Variants in DYNC1I1 observed in about 807,000 individuals in gnomAD.
The protein encoded by DYNC1I1 is cytoplasmic dynein 1 intermediate chain 1.
Under a neutral mutation model 86.6 loss-of-function variants are expected in DYNC1I1, and 43 were observed. That is an observed-to-expected ratio of 0.50 (90% CI 0.39 to 0.64). DYNC1I1 has a LOEUF of 0.64. DYNC1I1 is among the 30% of genes least tolerant of loss of function. The pLI, the probability that DYNC1I1 is intolerant of heterozygous loss-of-function variation, is 0.00. For missense variants in DYNC1I1, 604 were observed against 788.8 expected, an observed-to-expected ratio of 0.77 and a Z score of 2.81; for synonymous variants, 262 against 283.7, an observed-to-expected ratio of 0.92 and a Z score of 0.77.
intron 6 of DYNC1I1, among the ~76,000 whole-genome samples, chr7:95,884,090 A>C (rs1412385594): frequency 1.3e-5 from 2 of 152,232 alleles, no homozygotes; most frequent in African/African-American, 4.8e-5. Context: ...ACTGCAGGGA[A>C]GTCGTCTTGA....
At chr7:95,798,709 C>T (rs1004831647) in intron 1 of DYNC1I1, among the ~76,000 whole-genome samples, 6 of 152,066 alleles carry the variant, frequency 3.9e-5, no homozygotes, top group African/African-American at 1.2e-4. Flanking sequence ...CTTAGACAAC[C>T]GAAAGGAAAT....
chr7:96,104,195 T>G (rs954625984), intron 16 of DYNC1I1, among the ~76,000 whole-genome samples: 1 of 152,098 alleles, frequency 6.6e-6, no homozygotes, highest in African/African-American at 2.4e-5. Flanking sequence ...AAAATTTAAT[T>G]TAGAAGAGTT....
chr7:95,854,743 A>G (rs1377703134), intron 5 of DYNC1I1, among the ~76,000 whole-genome samples: 1 of 152,226 alleles, frequency 6.6e-6, no homozygotes, highest in Non-Finnish European at 1.5e-5. Context: ...CAAATCAGGT[A>G]GGCCCCTCAA....
At chr7:95,848,262 G>T (rs926416559) in intron 5 of DYNC1I1, among the ~76,000 whole-genome samples, 22 of 125,214 alleles carry the variant, frequency 1.8e-4, no homozygotes, top group Middle Eastern at 4.1e-3. Context: ...AAACCCAATT[G>T]TAAGTTCAGA....
At chr7:95,878,951 GA>G (rs35720595) in intron 6 of DYNC1I1, among the ~76,000 whole-genome samples, 2 of 142,148 alleles carry the variant, frequency 1.4e-5, no homozygotes, top group African/African-American at 5.2e-5. Context: ...AAGAAAAGAA[GA>G]AAAAAAAAAA....
intron 5 of DYNC1I1, among the ~76,000 whole-genome samples, chr7:95,849,809 A>C (rs1789530086): frequency 6.6e-6 from 1 of 152,200 alleles, no homozygotes; most frequent in Non-Finnish European, 1.5e-5. Context: ...CACTTTGAGT[A>C]ATATGGGCAT....
chr7:95,871,261 A>G (rs1790159020), intron 6 of DYNC1I1, among the ~76,000 whole-genome samples: 1 of 152,238 alleles, frequency 6.6e-6, no homozygotes, highest in Non-Finnish European at 1.5e-5. Context: ...TTTTAGAAGC[A>G]AACAAGTAGC....
intron 5 of DYNC1I1, among the ~76,000 whole-genome samples, chr7:95,842,561 A>G (rs141982956): frequency 0.011 from 1,649 of 152,194 alleles, 25 homozygotes; most frequent in African/African-American, 0.037. Flanking sequence ...TGCACAAGTT[A>G]AGTCCTTGAG....
intron 6 of DYNC1I1, among the ~76,000 whole-genome samples, chr7:95,972,064 T>C (rs1455790716): frequency 6.6e-6 from 1 of 152,136 alleles, no homozygotes; most frequent in African/African-American, 2.4e-5. Flanking sequence ...AAGAACCCAG[T>C]GGACTCGTAA....
At chr7:95,852,522 T>A (rs1789606146) in intron 5 of DYNC1I1, among the ~76,000 whole-genome samples, 2 of 152,092 alleles carry the variant, frequency 1.3e-5, no homozygotes, top group Non-Finnish European at 2.9e-5. Flanking sequence ...ATTATTATTA[T>A]TTTGAGATGG....
At chr7:96,053,620 G>A (rs1179734576) in intron 14 of DYNC1I1, among the ~76,000 whole-genome samples, 2 of 152,098 alleles carry the variant, frequency 1.3e-5, no homozygotes, top group African/African-American at 4.8e-5. Flanking sequence ...AAAAGACAGA[G>A]GTACTTTCAT....
At chr7:95,993,141 G>A (rs1332126432) in intron 9 of DYNC1I1, among the ~76,000 whole-genome samples, 1 of 152,060 alleles carries the variant, frequency 6.6e-6, no homozygotes, top group African/African-American at 2.4e-5. Context: ...AAGAAAATAT[G>A]ACTAGTCATG....
intron 13 of DYNC1I1, among the ~76,000 whole-genome samples, chr7:96,037,585 A>T (rs1794957774): frequency 6.6e-6 from 1 of 152,200 alleles, no homozygotes. Context: ...GGTTTTACCT[A>T]GGTCCTTGAT....
chr7:96,018,881 C>G (rs1176453292), intron 10 of DYNC1I1, among the ~76,000 whole-genome samples: 1 of 152,150 alleles, frequency 6.6e-6, no homozygotes, highest in Non-Finnish European at 1.5e-5. Context: ...CACAATGATA[C>G]TGGGTCATGC....
intron 6 of DYNC1I1, among the ~76,000 whole-genome samples, chr7:95,927,817 C>T (rs1791784825): frequency 6.6e-6 from 1 of 152,222 alleles, no homozygotes. Context: ...TCCTTATTCA[C>T]TGCCTTCTGA....
chr7:95,887,458 A>G (rs1020093896), intron 6 of DYNC1I1, among the ~76,000 whole-genome samples: 7 of 152,026 alleles, frequency 4.6e-5, no homozygotes, highest in Admixed American at 1.3e-4. Context: ...TGTTTCTCCA[A>G]TGCCTTGAAG....
At chr7:95,918,392 CTCTTGTT>C (rs1213500191) in intron 6 of DYNC1I1, among the ~76,000 whole-genome samples, 1 of 152,084 alleles carries the variant, frequency 6.6e-6, no homozygotes, top group Non-Finnish European at 1.5e-5. Context: ...CATTTCCTTT[CTCTTGTT>C]CTTCTCCTCC....
chr7:95,899,292 A>G (rs1017741340), intron 6 of DYNC1I1, among the ~76,000 whole-genome samples: 2 of 152,206 alleles, frequency 1.3e-5, no homozygotes, highest in Non-Finnish European at 1.5e-5. Flanking sequence ...TGCTCTGCAT[A>G]AGGATTTCTG....
intron 14 of DYNC1I1, among the ~76,000 whole-genome samples, chr7:96,074,714 T>C (rs1196754030): frequency 1.3e-5 from 2 of 152,228 alleles, no homozygotes; most frequent in Non-Finnish European, 2.9e-5. Context: ...TTTCTCACTT[T>C]CATTTCAGCA....
Sources: gnomAD v4.1 joint callset for allele counts (sites outside exome capture counted in the v4.1 genomes callset) on GRCh38, gnomAD v4.1.1 for gene constraint, MANE v1.5 for transcripts, NCBI Gene and HGNC (gene_info 2026-07-23, HGNC 2026-07-21) for gene names.